The following MEF2C variants were observed in gnomAD, a reference collection of about 807,000 sequenced individuals.
MEF2C encodes the protein myocyte-specific enhancer factor 2C.
MEF2C carries 6 observed loss-of-function variants against 50.5 expected under a neutral mutation model. That is an observed-to-expected ratio of 0.12 (90% CI 0.07 to 0.23). MEF2C has a LOEUF of 0.23. Among genes scored for constraint, MEF2C ranks in the 10% least tolerant of loss-of-function variants. The probability of loss-of-function intolerance (pLI) is 1.00; values close to 1 mark genes in which losing one functional copy is unlikely to be tolerated. For missense variants in MEF2C, 276 were observed against 605.0 expected, an observed-to-expected ratio of 0.46 and a Z score of 5.70; for synonymous variants, 183 against 228.0, an observed-to-expected ratio of 0.80 and a Z score of 1.78.
chr5:88,751,629 T>C (rs755367597), intron 5 of MEF2C, among the ~76,000 whole-genome samples: 3 of 151,992 alleles, frequency 2.0e-5, no homozygotes, highest in African/African-American at 4.8e-5. Context: ...CAGGAGGAGA[T>C]AGGTGACAGA....
At chr5:88,902,888 G>T (rs1835808574) in intron 1 of MEF2C, among the ~76,000 whole-genome samples, 2 of 150,928 alleles carry the variant, frequency 1.3e-5, no homozygotes, top group South Asian at 4.2e-4. Context: ...CATGTTGCTT[G>T]TGAATATGGA....
chr5:88,758,729 A>C (rs1776480302), intron 4 of MEF2C, among the ~76,000 whole-genome samples: 1 of 152,160 alleles, frequency 6.6e-6, no homozygotes, highest in African/African-American at 2.4e-5. Flanking sequence ...AGCACTTACT[A>C]AAGAGATGGA....
intron 3 of MEF2C, among the ~76,000 whole-genome samples, chr5:88,764,828 A>AAAG (rs1779340100): frequency 6.6e-6 from 1 of 151,320 alleles, no homozygotes; most frequent in African/African-American, 2.4e-5. Flanking sequence ...AAAAAAAAAA[A>AAAG]AAGAAGTAGA....
intron 1 of MEF2C, among the ~76,000 whole-genome samples, chr5:88,831,912 C>T (rs1813216104): frequency 6.6e-6 from 1 of 152,104 alleles, no homozygotes; most frequent in Non-Finnish European, 1.5e-5. Flanking sequence ...TGACAGCAAT[C>T]ATTAAATGAT....
At chr5:88,754,600 G>A (rs575865518) in intron 4 of MEF2C, among the ~76,000 whole-genome samples, 2 of 152,100 alleles carry the variant, frequency 1.3e-5, no homozygotes. Flanking sequence ...CTATCTTTGG[G>A]TATCAAAATG....
chr5:88,870,729 G>A (rs905720444), intron 1 of MEF2C, among the ~76,000 whole-genome samples: 5 of 151,948 alleles, frequency 3.3e-5, no homozygotes, highest in Non-Finnish European at 2.9e-5. Context: ...CCGGTTTTGG[G>A]TTATTTCTTC....
At chr5:88,730,039 A>T (rs1042047963) in intron 8 of MEF2C, among the ~76,000 whole-genome samples, 172 bp downstream of exon 8, 1 of 149,626 alleles carries the variant, frequency 6.7e-6, no homozygotes, top group Non-Finnish European at 1.5e-5. Context: ...AAAAAAAAAA[A>T]CCTGACATTC....
chr5:88,766,128 T>G (rs141411543), intron 3 of MEF2C, among the ~76,000 whole-genome samples: 1 of 152,340 alleles, frequency 6.6e-6, no homozygotes, highest in East Asian at 1.9e-4. Context: ...TGTGGACATA[T>G]GGACCCTGCA....
rs986824873 is a variant in MEF2C, at chr5:88,843,742, G to A, written c.-142-19812C>T. Among the ~76,000 whole-genome samples the A allele has an allele frequency of 7.3e-5, 11 of 150,470 alleles. No individual in the cohort carries two copies. In the East Asian group the frequency reaches 1.9e-3, roughly 27 times the overall value. ...GAAACACAGAAGAAAAAAATCTGAA[G>A]AAATAAATTTGAAAATTGGCAACAA... On this transcript the variant is annotated intron_variant, in intron 1 of 10. Transcript: ENST00000504921.
At chr5:88,759,942 G>A (rs1282491028) in intron 4 of MEF2C, among the ~76,000 whole-genome samples, 2 of 152,172 alleles carry the variant, frequency 1.3e-5, no homozygotes, top group South Asian at 2.1e-4. Flanking sequence ...ATTTGGCCTC[G>A]AACTTTGTCC....
intron 1 of MEF2C, among the ~76,000 whole-genome samples, chr5:88,873,044 A>G (rs1422013570): frequency 1.3e-5 from 2 of 151,010 alleles, no homozygotes; most frequent in Non-Finnish European, 2.9e-5. Context: ...TGCTCCCCAC[A>G]CCGTACACAC....
At chr5:88,771,736 G>A (rs1782497215) in intron 3 of MEF2C, 1 of 341,330 alleles carries the variant, frequency 2.9e-6, no homozygotes, top group Non-Finnish European at 4.1e-6. Context: ...GGGTGGTCTT[G>A]TAGAGTGACA....
At chr5:88,817,292 T>G (rs1308406396) in intron 2 of MEF2C, among the ~76,000 whole-genome samples, 1 of 152,042 alleles carries the variant, frequency 6.6e-6, no homozygotes, top group Non-Finnish European at 1.5e-5. Context: ...TTTTTCTTTT[T>G]AAAGAGTCAC....
At chr5:88,782,097 ACTT>A in intron 3 of MEF2C, 6 of 953,078 alleles carry the variant, frequency 6.3e-6, no homozygotes, top group Non-Finnish European at 7.5e-6. Context: ...AAAGTGCACT[ACTT>A]CATTAGGAAC....
chr5:88,817,637 G>C (rs1404371334), intron 2 of MEF2C, among the ~76,000 whole-genome samples: 1 of 151,880 alleles, frequency 6.6e-6, no homozygotes, highest in Non-Finnish European at 1.5e-5. Context: ...ATGAAGTTTT[G>C]TTTGCTGGCA....
At chr5:88,876,712 T>A (rs1232734269) in intron 1 of MEF2C, among the ~76,000 whole-genome samples, 1 of 151,954 alleles carries the variant, frequency 6.6e-6, no homozygotes, top group African/African-American at 2.4e-5. Context: ...GCTGAAAGAA[T>A]CACAGGTGTG....
At chr5:88,802,807 CAGA>C (rs749924201) in intron 3 of MEF2C, among the ~76,000 whole-genome samples, 70 of 152,202 alleles carry the variant, frequency 4.6e-4, no homozygotes, top group Non-Finnish European at 8.8e-4. Flanking sequence ...GAAAAACCCT[CAGA>C]AGATGAATGT....
At chr5:88,880,972 G>A (rs868706713) in intron 1 of MEF2C, 1 of 151,982 alleles carries the variant, frequency 6.6e-6, no homozygotes, top group African/African-American at 2.4e-5. Context: ...CAATCAGGAC[G>A]TAAATGGTGC....
At chr5:88,901,942 CAG>C (rs1035237877) in intron 1 of MEF2C, among the ~76,000 whole-genome samples, 1 of 151,700 alleles carries the variant, frequency 6.6e-6, no homozygotes, top group Non-Finnish European at 1.5e-5. Context: ...AAATAATTGA[CAG>C]AGTCATAAAC....
Sources: gnomAD v4.1 joint callset for allele counts (sites outside exome capture counted in the v4.1 genomes callset) on GRCh38, gnomAD v4.1.1 for gene constraint, MANE v1.5 for transcripts, NCBI Gene and HGNC (gene_info 2026-07-23, HGNC 2026-07-21) for gene names.